Variants in SPATA21 observed in about 807,000 individuals in gnomAD.
SPATA21 encodes the protein spermatogenesis-associated protein 21.
Under a neutral mutation model 54.8 loss-of-function variants are expected in SPATA21, and 47 were observed. The ratio of observed to expected loss-of-function variants is 0.86; its 90% CI spans 0.68 to 1.09. SPATA21 has a LOEUF of 1.09. SPATA21 is among the 50% of genes least tolerant of loss of function. The probability of loss-of-function intolerance (pLI) is 0.00; values close to 1 mark genes in which losing one functional copy is unlikely to be tolerated. For missense variants in SPATA21, 599 were observed against 596.4 expected, an observed-to-expected ratio of 1.00 and a Z score of -0.05; for synonymous variants, 245 against 235.3, an observed-to-expected ratio of 1.04 and a Z score of -0.38.
chr1:16,426,577 ATAT>A (rs1443460770), intron 3 of SPATA21, among the ~76,000 whole-genome samples: 36 of 111,106 alleles, frequency 3.2e-4, no homozygotes, highest in African/African-American at 1.4e-3. Flanking sequence ...ATATATATAT[ATAT>A]TTTTTTTTTT....
At chr1:16,407,975 T>A (rs868848836) in intron 7 of SPATA21, among the ~76,000 whole-genome samples, 21 of 152,172 alleles carry the variant, frequency 1.4e-4, no homozygotes, top group Middle Eastern at 3.4e-3. Context: ...CTATGTTGCT[T>A]AGGCTAGTCT....
At chr1:16,424,227 G>A (rs913239288) in intron 3 of SPATA21, among the ~76,000 whole-genome samples, 7 of 342 alleles carry the variant, frequency 0.02, no homozygotes, top group East Asian at 0.083. Flanking sequence ...GCAGGAGAAT[G>A]GCATGAACCT....
chr1:16,403,712 A>G lies in SPATA21; in HGVS notation c.1001+15T>C. On this transcript the variant is annotated intron_variant, in intron 10 of 12. Transcript: ENST00000335496. ...TGTCCACAACCCTTCACCCCCAACA[A>G]CCGGCCCCACTCACTTTGTGATTTC... 2 of 1,606,584 alleles carry G rather than the reference A, an allele frequency of 1.2e-6. No individual in the cohort carries two copies. Among genetic ancestry groups the G allele is most frequent in the Non-Finnish European group, 1.7e-6 (2 of 1,173,992 alleles).
At chr1:16,402,071 A>G (rs562506794) in intron 10 of SPATA21, among the ~76,000 whole-genome samples, 2 of 152,000 alleles carry the variant, frequency 1.3e-5, no homozygotes, top group African/African-American at 2.4e-5. Flanking sequence ...CACAGGGACA[A>G]CCCTACGGGT....
chr1:16,425,877 C>A (rs190710966), intron 3 of SPATA21: 6 of 665,902 alleles, frequency 9.0e-6, no homozygotes, highest in African/African-American at 1.8e-5. Flanking sequence ...AAATCATAGA[C>A]ACTTTGATGT....
At chr1:16,413,119 G>A (rs1415176143) in intron 5 of SPATA21, among the ~76,000 whole-genome samples, 1 of 149,438 alleles carries the variant, frequency 6.7e-6, no homozygotes, top group Non-Finnish European at 1.5e-5. Context: ...CTGCTATGTT[G>A]CCCAGGCTGG....
chr1:16,431,261 G>A (rs1570220881), intron 3 of SPATA21, 77 bp downstream of exon 3: 1 of 1,613,418 alleles, frequency 6.2e-7, no homozygotes, highest in African/African-American at 1.3e-5. Flanking sequence ...CTCCTGGTAT[G>A]ATGGGCTCAA....
chr1:16,417,212 C>G (rs2086033449), intron 5 of SPATA21, among the ~76,000 whole-genome samples: 1 of 152,168 alleles, frequency 6.6e-6, no homozygotes, highest in Non-Finnish European at 1.5e-5. Context: ...CTTCCCATCT[C>G]TGTAACTTTC....
Position 16,399,415 on chromosome 1 carries a change from G to A in SPATA21, c.1281C>T (p.Asp427=). The A allele has an allele frequency of 6.2e-7, 1 of 1,613,730 alleles. No individual in the cohort carries two copies. The highest frequency in any genetic ancestry group is 8.5e-7 in the Non-Finnish European group (1 of 1,180,028). Residue 427 remains aspartate (D), a synonymous_variant, in exon 12 of 13, where the codon GAC becomes GAT. Coordinates refer to ENST00000335496, the MANE Select transcript of SPATA21 (RefSeq NM_198546.1). The part of the protein sequence containing the change: ...RRQPSNHYAL[D]QCTPPGLDPD... ...GATCCAGGCCAGGGGGTGTGCACTG[G>A]TCTAGTGCATAGTGGTTGCTCGGCT...
chr1:16,408,562 T>C, intron 7 of SPATA21: 2 of 984,490 alleles, frequency 2.0e-6, no homozygotes, highest in Non-Finnish European at 2.4e-6. Flanking sequence ...GGGAGAGCGC[T>C]GGACTTCGAG....
Position 16,428,364 on chromosome 1 carries a change from A to G in SPATA21, c.34+2974T>C, listed in dbSNP as rs2086374111. ...CGCCTTCAACAATTCCCATGCCTTC[A>G]AAACGCAGGCTCTAGTTTGAACTGA... is the stretch of plus-strand genomic sequence containing the variant. On this transcript the variant is annotated intron_variant, in intron 3 of 12. Coordinates refer to ENST00000335496, the MANE Select transcript of SPATA21 (RefSeq NM_198546.1). The surrounding 1 kb of genome is among the most constrained non-coding windows in gnomAD (Gnocchi z 4.3). Among the ~76,000 whole-genome samples the G allele has an allele frequency of 6.6e-6, 1 of 152,174 alleles. No homozygotes were observed. The highest frequency in any genetic ancestry group is 1.5e-5 in the Non-Finnish European group (1 of 68,036).
chr1:16,409,540 G>T lies in SPATA21; in HGVS notation c.587+61C>A. ...GTGCAGGGACAGGGACCTGCATCCG[G>T]GACAAGGCTCTGATCTTGGGGCCTT... On this transcript the variant is annotated intron_variant, in intron 6 of 12. Transcript: ENST00000335496. The surrounding 1 kb of genome is among the most constrained non-coding windows in gnomAD (Gnocchi z 4.1). The T allele has an allele frequency of 1.3e-6, 2 of 1,536,690 alleles. No individual in the cohort carries two copies. Among genetic ancestry groups the T allele is most frequent in the South Asian group, 2.4e-5 (2 of 83,042 alleles).
rs141276692 is a variant in SPATA21, at chr1:16,399,603, G to A, written c.1175-82C>T. The A allele has an allele frequency of 1.1e-3, 1,576 of 1,470,142 alleles. 3 individuals are homozygous for A. Among genetic ancestry groups the A allele is most frequent in the Admixed American group, 2.1e-3 (100 of 47,494 alleles). The allele number at this position is 1,470,142 out of a possible 1,614,324, so 91.1% of individuals were successfully genotyped here. Reference sequence around the variant, plus strand: ...GCAGGCAGATTCAAGTGAAATCCTGGCGTTGCTACATAATGACCTGAGTGG... The same window carrying A: ...GCAGGCAGATTCAAGTGAAATCCTGACGTTGCTACATAATGACCTGAGTGG... On this transcript the variant is annotated intron_variant, in intron 11 of 12. Coordinates refer to ENST00000335496, the MANE Select transcript of SPATA21 (RefSeq NM_198546.1).
At chr1:16,400,427 T>C (rs2085409019) in intron 11 of SPATA21, 1 of 1,110,166 alleles carries the variant, frequency 9.0e-7, no homozygotes, top group South Asian at 3.6e-5. Flanking sequence ...AACAGTGAGC[T>C]GGGATTGCTA....
downstream of SPATA21, chr1:16,398,081 G>A: frequency 5.7e-6 from 5 of 879,742 alleles, no homozygotes; most frequent in Non-Finnish European, 5.5e-6. Context: ...TGCACCGCGG[G>A]CTCCTGAGTC....
At chr1:16,410,836 G>T (rs917277075) in intron 5 of SPATA21, 1 of 401,246 alleles carries the variant, frequency 2.5e-6, no homozygotes, top group Admixed American at 2.7e-5. Flanking sequence ...GTGTTCCACC[G>T]CGCCCGGCTG....
At chr1:16,399,635 G>A (rs1388848924) in intron 11 of SPATA21, 114 bp from the exon 12 acceptor site, 7 of 1,219,368 alleles carry the variant, frequency 5.7e-6, no homozygotes, top group Non-Finnish European at 7.9e-6. Flanking sequence ...GTGGTTTGGG[G>A]CAAGTCACTT....
intron 11 of SPATA21, 112 bp from the exon 12 acceptor site, chr1:16,399,633 G>T: frequency 8.0e-7 from 1 of 1,256,880 alleles, no homozygotes; most frequent in Non-Finnish European, 1.1e-6. Context: ...GAGTGGTTTG[G>T]GGCAAGTCAC....
At chr1:16,400,120 G>A (rs947018572) in intron 11 of SPATA21, among the ~76,000 whole-genome samples, 6 of 151,682 alleles carry the variant, frequency 4.0e-5, no homozygotes, top group African/African-American at 1.2e-4. Context: ...TCCATCTCCC[G>A]GGTTCAAGCG....
Sources: allele counts gnomAD v4.1 joint callset (sites outside exome capture counted in the v4.1 genomes callset), GRCh38; gene constraint gnomAD v4.1.1; non-coding constraint Gnocchi (gnomAD v3.1); transcripts MANE v1.5; gene names NCBI Gene and HGNC (gene_info 2026-07-23, HGNC 2026-07-21).